ANKRD27: variants seen among roughly 807,000 people sequenced by gnomAD.
ANKRD27 encodes ankyrin repeat domain 27, also known as ankyrin repeat domain-containing protein 27.
Under a neutral mutation model 129.7 loss-of-function variants are expected in ANKRD27, and 112 were observed. That is an observed-to-expected ratio of 0.86 (90% CI 0.74 to 1.01). ANKRD27 has a LOEUF of 1.01. Among genes scored for constraint, ANKRD27 ranks in the 50% least tolerant of loss-of-function variants. The pLI is 0.00. For missense variants in ANKRD27, 1,258 were observed against 1,300.5 expected, an observed-to-expected ratio of 0.97 and a Z score of 0.50; for synonymous variants, 516 against 511.2, an observed-to-expected ratio of 1.01 and a Z score of -0.13.
rs1311919107 is a variant in ANKRD27, at chr19:32,602,201, A to G, written c.2656-75T>C. ...TAGGTTATTATTTGTTTTTGATCTAAATGTCAGTATTAGTGTGACTGGGCA... is the reference window on the plus strand; with the variant it reads ...TAGGTTATTATTTGTTTTTGATCTAGATGTCAGTATTAGTGTGACTGGGCA... On this transcript the variant is annotated intron_variant, in intron 25 of 28. Coordinates refer to ENST00000306065, the MANE Select transcript of ANKRD27 (RefSeq NM_032139.3). 3.0e-5 allele frequency: 29 copies of G among 973,428 alleles called. No individual in the cohort carries two copies. In the East Asian group the frequency reaches 6.9e-4, roughly 23 times the overall value. The allele number at this position is 973,428 out of a possible 1,614,324, so 60.3% of individuals were successfully genotyped here. A position where few individuals can be genotyped will look rare whatever the true frequency, so the allele number is the denominator to read the frequency against.
chr19:32,632,811 T>C (rs1418566685), intron 12 of ANKRD27, among the ~76,000 whole-genome samples: 1 of 152,116 alleles, frequency 6.6e-6, no homozygotes, highest in Non-Finnish European at 1.5e-5. Flanking sequence ...AATAAGGATG[T>C]CTCTTTACAG....
chr19:32,619,234 C>A (rs1326572974), intron 20 of ANKRD27, 26 bp downstream of exon 20: 2 of 1,601,806 alleles, frequency 1.2e-6, no homozygotes, highest in East Asian at 4.5e-5. Context: ...GCCTCCCCTC[C>A]CCAGCCCTTC....
chr19:32,629,855 T>C (rs993728624), intron 13 of ANKRD27, among the ~76,000 whole-genome samples: 3 of 149,766 alleles, frequency 2.0e-5, no homozygotes, highest in East Asian at 1.9e-4. Context: ...TTTTTTTTTT[T>C]TTTTTTTTTT....
At chr19:32,656,064 AAAG>A (rs1568417630) in intron 2 of ANKRD27, among the ~76,000 whole-genome samples, 58 of 39,464 alleles carry the variant, frequency 1.5e-3, no homozygotes, top group African/African-American at 5.6e-3. Flanking sequence ...GAAAGAAAAG[AAAG>A]AAAGAAAGAA....
intron 26 of ANKRD27, among the ~76,000 whole-genome samples, chr19:32,601,314 T>G (rs1227874965): frequency 1.8e-5 from 2 of 114,184 alleles, no homozygotes; most frequent in East Asian, 5.2e-4. Flanking sequence ...ACTAACTAAA[T>G]AAAAAATCTT....
At chr19:32,598,531 A>C (rs1971604786) in intron 28 of ANKRD27, among the ~76,000 whole-genome samples, 153 bp from the exon 29 acceptor site, 2 of 152,228 alleles carry the variant, frequency 1.3e-5, no homozygotes, top group African/African-American at 4.8e-5. Flanking sequence ...TGTCGTGGTA[A>C]CATGGCATGT....
At chr19:32,605,715 G>A in intron 24 of ANKRD27, 120 bp downstream of exon 24, 1 of 1,364,232 alleles carries the variant, frequency 7.3e-7, no homozygotes, top group Non-Finnish European at 1.0e-6. Context: ...TCTCCCCAGA[G>A]GCCTGGGGTT....
intron 5 of ANKRD27, 147 bp from the exon 6 acceptor site, chr19:32,643,778 G>T (rs1967248927): frequency 1.3e-6 from 1 of 749,722 alleles, no homozygotes; most frequent in Non-Finnish European, 2.3e-6. Flanking sequence ...TTTTTTTTAG[G>T]TGTATATGCA....
At chr19:32,619,589 G>T in intron 18 of ANKRD27, 36 bp from the exon 19 acceptor site, 2 of 1,611,268 alleles carry the variant, frequency 1.2e-6, no homozygotes, top group Non-Finnish European at 1.7e-6. Flanking sequence ...AGTACCCCGT[G>T]AGATGGGGGT....
chr19:32,642,518 A>G (rs543974388), intron 9 of ANKRD27, among the ~76,000 whole-genome samples: 1 of 152,196 alleles, frequency 6.6e-6, no homozygotes, highest in Admixed American at 6.5e-5. Flanking sequence ...TGGGCAGATC[A>G]CTTGAGGTCA....
At chr19:32,634,410 G>A (rs998230349) in intron 12 of ANKRD27, among the ~76,000 whole-genome samples, 16 of 152,200 alleles carry the variant, frequency 1.1e-4, no homozygotes, top group African/African-American at 1.4e-4. Flanking sequence ...ACAGCCAGCC[G>A]TGAGGATGAT....
intron 13 of ANKRD27, 25 bp downstream of exon 13, chr19:32,631,377 C>T: frequency 6.3e-7 from 1 of 1,599,816 alleles, no homozygotes. Flanking sequence ...CCACATTTAC[C>T]CACAGAGATG....
intron 12 of ANKRD27, among the ~76,000 whole-genome samples, chr19:32,637,048 C>T (rs1325988230): frequency 6.6e-6 from 1 of 152,020 alleles, no homozygotes. Flanking sequence ...GTGCCCGGCC[C>T]AGCACACAAT....
intron 1 of ANKRD27, among the ~76,000 whole-genome samples, chr19:32,670,573 C>CTGAA (rs2145330801): frequency 6.6e-6 from 1 of 152,174 alleles, no homozygotes; most frequent in South Asian, 2.1e-4. Context: ...ACTCAGGAAG[C>CTGAA]TGAAGCATAA....
At chr19:32,647,324 A>G (rs879534855) in intron 3 of ANKRD27, among the ~76,000 whole-genome samples, 161 of 152,344 alleles carry the variant, frequency 1.1e-3, no homozygotes, top group African/African-American at 3.8e-3. Flanking sequence ...ATGCCCTGAA[A>G]GGGATGTTTT....
chr19:32,616,351 A>G (rs2021773), intron 21 of ANKRD27, among the ~76,000 whole-genome samples: 83,843 of 151,828 alleles, frequency 0.55, 23,658 homozygotes, highest in African/African-American at 0.62. Context: ...TCAGGAGTTC[A>G]AGCCCAGCCT....
rs984694493 is a variant in ANKRD27, at chr19:32,597,203, C to G, written c.*942G>C. On this transcript the variant is annotated 3_prime_UTR_variant, in exon 29 of 29. Transcript: ENST00000306065. ...ATTTGAAAACGGACTCAGGACAAAC[C>G]CATATACGTGTAGCTCTAGGCCAAT... is the stretch of plus-strand genomic sequence containing the variant. 1 of 146,210 alleles carries G rather than the reference C, an allele frequency of 6.8e-6. No homozygotes were observed. The highest frequency in any genetic ancestry group is 1.5e-5 in the Non-Finnish European group (1 of 65,690). 9.1% of individuals were successfully genotyped at this position (146,210 alleles called of 1,614,324 possible).
At chr19:32,640,764 G>A (rs917307173) in intron 10 of ANKRD27, among the ~76,000 whole-genome samples, 16 of 152,236 alleles carry the variant, frequency 1.1e-4, no homozygotes, top group African/African-American at 3.9e-4. Context: ...ATTAGCCAAG[G>A]GTGGTGGTGC....
At chr19:32,653,660 A>AC (rs1259079923) in intron 2 of ANKRD27, among the ~76,000 whole-genome samples, 2 of 150,826 alleles carry the variant, frequency 1.3e-5, no homozygotes, top group Non-Finnish European at 3.0e-5. Flanking sequence ...GGAAGGAGAC[A>AC]CCTGCCTGGA....
Sources: allele counts gnomAD v4.1 joint callset (sites outside exome capture counted in the v4.1 genomes callset), GRCh38; gene constraint gnomAD v4.1.1; transcripts MANE v1.5; gene names NCBI Gene and HGNC (gene_info 2026-07-23, HGNC 2026-07-21).